The following BTN3A1 variants were observed in gnomAD, a reference collection of about 807,000 sequenced individuals.
BTN3A1 encodes butyrophilin subfamily 3 member A1.
In BTN3A1, 24 loss-of-function variants were observed where a neutral mutation model predicts 43.0. The observed-to-expected ratio is 0.56, with a 90% CI of 0.40 to 0.78. BTN3A1 has a LOEUF of 0.78. Ranked by LOEUF, BTN3A1 falls within the 30% of genes least tolerant of loss-of-function variation. The pLI is 0.00. For synonymous variants in BTN3A1, 181 were observed against 234.7 expected, an observed-to-expected ratio of 0.77 and a Z score of 2.09; for missense variants, 533 against 626.2, an observed-to-expected ratio of 0.85 and a Z score of 1.59.
chr6:26,412,149 A>AGGAG (rs1237413015), intron 9 of BTN3A1: 1 of 378,494 alleles, frequency 2.6e-6, no homozygotes, highest in East Asian at 4.5e-5. Flanking sequence ...GTTTGCAGAA[A>AGGAG]GGAGGGTTAA....
At chr6:26,411,650 T>A (rs1333326977) in intron 9 of BTN3A1, 69 bp downstream of exon 9, 2 of 1,543,730 alleles carry the variant, frequency 1.3e-6, no homozygotes, top group Non-Finnish European at 1.8e-6. Flanking sequence ...CCTTTTTACT[T>A]CTCCAACTGT....
At chr6:26,411,884 G>C (rs183680768) in intron 9 of BTN3A1, 1 of 314,864 alleles carries the variant, frequency 3.2e-6, no homozygotes, top group African/African-American at 2.2e-5. Flanking sequence ...ACTGCAGGGA[G>C]AGTGAGGATG....
intron 9 of BTN3A1, chr6:26,412,784 C>G (rs777380858): frequency 1.7e-5 from 27 of 1,551,292 alleles, no homozygotes; most frequent in Non-Finnish European, 2.3e-5. Context: ...AAAAGGGGAA[C>G]TCATTTAGCT....
rs777135479 is a variant in BTN3A1, at chr6:26,413,413, G to A, written c.1263G>A (p.Trp421Ter). The change falls in exon 10 of 10, where the codon TGG becomes TGA. Residue 421 changes from tryptophan to a stop codon, truncating the protein, a stop_gained. Coordinates refer to ENST00000289361, the MANE Select transcript of BTN3A1 (RefSeq NM_007048.6). LOFTEE classifies it low-confidence loss of function (END_TRUNC). ...VCSKNVQRKG[W>*]VKMTPENGFW... ...GTAAGAATGTGCAGAGAAAAGGCTG[G>A]GTCAAAATGACACCTGAGAATGGAT... The A allele has an allele frequency of 6.2e-7, 1 of 1,613,882 alleles. No homozygotes were observed. Among genetic ancestry groups the A allele is most frequent in the Non-Finnish European group, 8.5e-7 (1 of 1,179,982 alleles).
chr6:26,405,068 C>T (rs890854519), intron 1 of BTN3A1, among the ~76,000 whole-genome samples: 1 of 152,146 alleles, frequency 6.6e-6, no homozygotes, highest in African/African-American at 2.4e-5. Context: ...GACTTCAGGT[C>T]CCCCACCAAG....
chr6:26,408,249 A>AT (rs1191088640), intron 4 of BTN3A1, among the ~76,000 whole-genome samples: 1 of 152,184 alleles, frequency 6.6e-6, no homozygotes, highest in Non-Finnish European at 1.5e-5. Flanking sequence ...GAAAGCATAT[A>AT]TATATATATA....
rs774848813 is a variant in BTN3A1, at chr6:26,413,684, C to A, written c.1534C>A (p.Pro512Thr). Residue 512 changes from proline (P) to threonine (T), a missense_variant, in exon 10 of 10, where the codon CCA (proline) becomes ACA (threonine). Coordinates refer to ENST00000289361, the MANE Select transcript of BTN3A1 (RefSeq NM_007048.6). ...GGAGCCCACGGCCCTGACTATTTGT[C>A]CAGCGTGAAAAGAAGAAGAGAGTTC... ...TLEPTALTIC[P>T]A The A allele has an allele frequency of 9.9e-6, 16 of 1,612,870 alleles. No individual in the cohort carries two copies. The highest frequency in any genetic ancestry group is 1.4e-5 in the Non-Finnish European group (16 of 1,179,612).
At position 26,407,655 on chromosome 6, in the gene BTN3A1, A is replaced by G. The variant is rs756180920; in HGVS notation, c.434-16A>G. ...ACAGGCCTCTCAAGAATTTAGGCTA[A>G]TTCATCCTTCCACAGCACTGGGTTC... On this transcript the variant is annotated splice_polypyrimidine_tract_variant and intron_variant, in intron 3 of 9. Transcript: ENST00000289361. The G allele has an allele frequency of 1.7e-5, 28 of 1,611,808 alleles. No homozygotes were observed. Among genetic ancestry groups the G allele is most frequent in the Middle Eastern group, 1.7e-4 (1 of 6,050 alleles).
chr6:26,409,405 G>C (rs1762127519), intron 4 of BTN3A1, 128 bp from the exon 5 acceptor site: 2 of 888,376 alleles, frequency 2.3e-6, no homozygotes, highest in Non-Finnish European at 3.6e-6. Flanking sequence ...GCATGAGAAA[G>C]ATTATTTAAC....
chr6:26,409,652 A>T lies in BTN3A1; in HGVS notation c.835A>T (p.Thr279Ser). 6.2e-7 allele frequency: 1 copy of T among 1,603,042 alleles called. No homozygotes were observed. The highest frequency in any genetic ancestry group is 1.4e-5 in the African/African-American group (1 of 73,766). Residue 279 changes from threonine to serine, a missense_variant, in exon 5 of 10, where the codon ACT becomes TCT. This residue lies in a region of BTN3A1 where 415 missense variants were observed against 427.0 expected (regional missense o/e 0.97). Transcript: ENST00000289361. ...FLWQQQEEKKTQFRKKKREQE... is the reference protein window; with the variant it reads ...FLWQQQEEKKSQFRKKKREQE... ...GTGGCAACAGCAGGAGGAAAAAAAG[A>T]CTCAGTTCAGAAAGAAAAAGAGAGA...
At chr6:26,405,825 C>T (rs3857549) in intron 2 of BTN3A1, 84 bp from the exon 3 acceptor site, 132,345 of 1,606,218 alleles carry the variant, frequency 0.082, 12,130 homozygotes, top group African/African-American at 0.48. Context: ...CTTTGTATCT[C>T]GCCTTCCCTG....
intron 9 of BTN3A1, chr6:26,411,790 A>G (rs1453004509): frequency 1.7e-6 from 1 of 592,488 alleles, no homozygotes; most frequent in Non-Finnish European, 2.9e-6. Flanking sequence ...GGGCGAATAG[A>G]TCTCTTGCAC....
chr6:26,412,092 CA>C, intron 9 of BTN3A1: 1 of 263,306 alleles, frequency 3.8e-6, no homozygotes, highest in Non-Finnish European at 7.2e-6. Context: ...ATCCATTGGT[CA>C]AAAACCTTAA....
intron 9 of BTN3A1, chr6:26,412,335 A>C: frequency 1.5e-6 from 1 of 672,484 alleles, no homozygotes; most frequent in Non-Finnish European, 2.7e-6. Context: ...GAGCAGCAGC[A>C]GCTGCTGCTG....
intron 9 of BTN3A1, chr6:26,411,814 C>A: frequency 1.9e-6 from 1 of 515,686 alleles, no homozygotes; most frequent in Non-Finnish European, 3.4e-6. Context: ...CTCAGACCTT[C>A]CTGGGAAGGA....
rs141829673 is a variant in BTN3A1, at chr6:26,403,654, A to G, written c.-193+1242A>G. Among the ~76,000 whole-genome samples the G allele has an allele frequency of 3.6e-4, 55 of 152,180 alleles. 1 individual carries two copies. The East Asian group carries it at 7.0e-3, about 19-fold the overall frequency. ...CAGAAATATTTACCTTTTCACTACC[A>G]AAGTATATGACTACTACTATAGATA... On this transcript the variant is annotated intron_variant, in intron 1 of 9. Transcript: ENST00000289361.
intron 2 of BTN3A1, 71 bp from the exon 3 acceptor site, chr6:26,405,838 T>G: frequency 1.2e-6 from 2 of 1,611,806 alleles, no homozygotes; most frequent in Non-Finnish European, 1.7e-6. Flanking sequence ...CTTCCCTGTC[T>G]GAGAAGCACC....
chr6:26,409,136 A>G (rs1762116472), intron 4 of BTN3A1, among the ~76,000 whole-genome samples: 1 of 142,544 alleles, frequency 7.0e-6, no homozygotes, highest in Non-Finnish European at 1.5e-5. Context: ...GCATCATATT[A>G]AGCAGACTAA....
Position 26,415,161 on chromosome 6 carries a change from T to A in BTN3A1, c.*1469T>A, listed in dbSNP as rs1762343933. 6.6e-6 allele frequency: 1 copy of A among 152,212 alleles called. No individual in the cohort carries two copies. The highest frequency in any genetic ancestry group is 2.1e-4 in the South Asian group (1 of 4,830). The allele number at this position is 152,212 out of a possible 1,614,324, so 9.4% of individuals were successfully genotyped here. ...TCCACTGTATCCCCTCTACCTGGCA[T>A]GTGCTTGTCAAGTTCTAGTTGTTCA... On this transcript the variant is annotated 3_prime_UTR_variant, in exon 10 of 10. Coordinates refer to ENST00000289361, the MANE Select transcript of BTN3A1 (RefSeq NM_007048.6).
Sources: allele counts gnomAD v4.1 joint callset (sites outside exome capture counted in the v4.1 genomes callset), GRCh38; gene constraint gnomAD v4.1.1; regional missense constraint gnomAD v4.1.1; transcripts MANE v1.5; gene names NCBI Gene and HGNC (gene_info 2026-07-23, HGNC 2026-07-21).